The following DPYD variants were observed in gnomAD, a reference collection of about 807,000 sequenced individuals.
DPYD encodes dihydropyrimidine dehydrogenase, also known as dihydropyrimidine dehydrogenase [NADP(+)].
In DPYD, 109 loss-of-function variants were observed where a neutral mutation model predicts 116.2. The ratio of observed to expected loss-of-function variants is 0.94; its 90% CI spans 0.80 to 1.10. The LOEUF is 1.10. Ranked by LOEUF, DPYD falls within the 50% of genes least tolerant of loss-of-function variation. The pLI is 0.00. For synonymous variants in DPYD, 440 were observed against 432.0 expected (o/e 1.02, Z -0.23); for missense variants, 1,302 against 1,254.5 (o/e 1.04, Z -0.57).
At chr1:97,678,714 C>T (rs540844219) in intron 8 of DPYD, among the ~76,000 whole-genome samples, 3 of 152,184 alleles carry the variant, frequency 2.0e-5, no homozygotes, top group South Asian at 2.1e-4. Context: ...GCAAAGGGAA[C>T]GAGCCAACTC....
intron 13 of DPYD, among the ~76,000 whole-genome samples, chr1:97,491,998 T>C (rs1452179172): frequency 6.6e-6 from 1 of 152,162 alleles, no homozygotes; most frequent in East Asian, 1.9e-4. Flanking sequence ...TATGTTTCAA[T>C]GCCTCAAAAA....
At chr1:97,735,861 G>A (rs1276980253) in intron 4 of DPYD, among the ~76,000 whole-genome samples, 1 of 151,662 alleles carries the variant, frequency 6.6e-6, no homozygotes, top group African/African-American at 2.4e-5. Context: ...ATTTGAAACT[G>A]GTGAAGAAAT....
chr1:97,190,664 C>A (rs1158555112), intron 20 of DPYD, among the ~76,000 whole-genome samples: 1 of 152,128 alleles, frequency 6.6e-6, no homozygotes, highest in African/African-American at 2.4e-5. Context: ...GCTGGTTAGG[C>A]AGTTTGATCA....
At chr1:97,571,461 G>A (rs1652889432) in intron 11 of DPYD, among the ~76,000 whole-genome samples, 1 of 151,870 alleles carries the variant, frequency 6.6e-6, no homozygotes, top group Admixed American at 6.6e-5. Context: ...ATCATAAAAT[G>A]CAGAAAATAT....
intron 13 of DPYD, among the ~76,000 whole-genome samples, chr1:97,510,692 T>C (rs901882788): frequency 1.3e-5 from 2 of 152,008 alleles, no homozygotes; most frequent in African/African-American, 4.8e-5. Flanking sequence ...AATGTGGTTT[T>C]GCACTTCTTT....
chr1:97,206,187 A>C (rs532693398), intron 19 of DPYD, among the ~76,000 whole-genome samples: 1 of 151,816 alleles, frequency 6.6e-6, no homozygotes, highest in Admixed American at 6.6e-5. Context: ...CAAAGGGGAC[A>C]GGGGAGGCAA....
intron 1 of DPYD, among the ~76,000 whole-genome samples, chr1:97,898,292 T>C (rs1673183537): frequency 6.6e-6 from 1 of 151,832 alleles, no homozygotes; most frequent in Non-Finnish European, 1.5e-5. Flanking sequence ...TCTGCTGATC[T>C]GCAGGTTTCT....
intron 21 of DPYD, among the ~76,000 whole-genome samples, chr1:97,084,369 T>C (rs1649360777): frequency 6.6e-6 from 1 of 151,814 alleles, no homozygotes; most frequent in Non-Finnish European, 1.5e-5. Flanking sequence ...CACTACTTCA[T>C]GAAGATTTCC....
intron 10 of DPYD, among the ~76,000 whole-genome samples, chr1:97,590,431 T>A (rs745879807): frequency 3.9e-5 from 6 of 152,134 alleles, no homozygotes; most frequent in Non-Finnish European, 8.8e-5. Context: ...TGGTTGAATC[T>A]TTTATAGGTA....
intron 3 of DPYD, among the ~76,000 whole-genome samples, chr1:97,785,427 T>C (rs562621813): frequency 6.6e-6 from 1 of 152,270 alleles, no homozygotes; most frequent in East Asian, 1.9e-4. Context: ...TTTGAATATA[T>C]ATTTAAAGTG....
At chr1:97,277,898 T>C (rs1032969528) in intron 18 of DPYD, among the ~76,000 whole-genome samples, 4 of 152,188 alleles carry the variant, frequency 2.6e-5, no homozygotes, top group African/African-American at 9.6e-5. Flanking sequence ...AGTCCTCCAA[T>C]CTCATTGTCA....
At chr1:97,828,247 T>A in intron 2 of DPYD, 51 bp from the exon 3 acceptor site, 1 of 1,555,548 alleles carries the variant, frequency 6.4e-7, no homozygotes, top group Non-Finnish European at 8.8e-7. Context: ...TGAGAAAAAT[T>A]GTATCTATGC....
intron 3 of DPYD, among the ~76,000 whole-genome samples, chr1:97,810,784 C>T (rs1293669318): frequency 6.6e-6 from 1 of 152,082 alleles, no homozygotes; most frequent in African/African-American, 2.4e-5. Flanking sequence ...TGATATATCT[C>T]AAAAGCTTAA....
intron 4 of DPYD, 117 bp downstream of exon 4, chr1:97,740,275 G>A: frequency 3.8e-6 from 3 of 787,158 alleles, no homozygotes. Flanking sequence ...GCCTATAGAA[G>A]TCATATTTAA....
Position 97,691,728 on chromosome 1 carries a change from G to C in DPYD, c.751C>G (p.Leu251Val). 1 of 1,613,470 alleles carries C rather than the reference G, an allele frequency of 6.2e-7. No homozygotes were observed. Residue 251 changes from leucine to valine, a missense_variant, in exon 7 of 23, where the codon CTT becomes GTT. Physicochemically the swap from Leu to Val is conservative, Grantham distance 32. Transcript: ENST00000370192. ...TTTTTTTCATTTACCTTTACACCAA[G>C]GTCCTTCATTAGCTCAATCTCAAAA... ...VNFEIELMKD[L>V]GVKIICGKSL... is the part of the protein sequence containing the mutation.
chr1:97,404,404 C>G (rs1249898346), intron 14 of DPYD, among the ~76,000 whole-genome samples: 1 of 152,078 alleles, frequency 6.6e-6, no homozygotes, highest in Non-Finnish European at 1.5e-5. Context: ...TCCAACTATG[C>G]TAATAGATGC....
Position 97,515,830 on chromosome 1 carries a change from A to C in DPYD, c.1636T>G (p.Phe546Val). ...GCTGGAGTTGCGCTAGCAAGACCAA[A>C]AGGATTTATAAACTTCAATCCGGCC... ...EMAGLKFINP[F>V]GLASATPATS... Residue 546 changes from phenylalanine (F) to valine (V), a missense_variant, in exon 13 of 23, where the codon TTT (phenylalanine) becomes GTT (valine). By Grantham distance (50) the Phe-to-Val change is conservative (BLOSUM62 -1). Transcript: ENST00000370192. 6.2e-7 allele frequency: 1 copy of C among 1,613,010 alleles called. No homozygotes were observed. Among genetic ancestry groups the C allele is most frequent in the Non-Finnish European group, 8.5e-7 (1 of 1,179,316 alleles).
intron 20 of DPYD, among the ~76,000 whole-genome samples, chr1:97,162,962 C>T (rs550925091): frequency 2.0e-5 from 3 of 151,782 alleles, no homozygotes; most frequent in African/African-American, 7.3e-5. Flanking sequence ...CTTCCTTACA[C>T]CTTATACAAA....
chr1:97,806,760 A>G (rs1668097128), intron 3 of DPYD, among the ~76,000 whole-genome samples: 1 of 151,970 alleles, frequency 6.6e-6, no homozygotes, highest in South Asian at 2.1e-4. Context: ...TGGATCTATC[A>G]TGATAGTATC....
Sources: allele counts gnomAD v4.1 joint callset (sites outside exome capture counted in the v4.1 genomes callset), GRCh38; gene constraint gnomAD v4.1.1; transcripts MANE v1.5; gene names NCBI Gene and HGNC (gene_info 2026-07-23, HGNC 2026-07-21).